Variants in PLRG1 observed in about 807,000 individuals in gnomAD.
PLRG1 encodes pleiotropic regulator 1 (PRL1 homolog, Arabidopsis).
A neutral mutation model predicts 74.9 loss-of-function variants in PLRG1; 28 were observed. That is an observed-to-expected ratio of 0.37 (90% CI 0.28 to 0.51). The LOEUF (loss-of-function observed/expected upper bound fraction) is 0.51. Among genes scored for constraint, PLRG1 ranks in the 20% least tolerant of loss-of-function variants. The pLI is 0.91. For missense variants in PLRG1, 445 were observed against 631.9 expected, an observed-to-expected ratio of 0.70 and a Z score of 3.17; for synonymous variants, 197 against 212.4, an observed-to-expected ratio of 0.93 and a Z score of 0.63.
At chr4:154,550,270 C>A in intron 1 of PLRG1, 30 bp downstream of exon 1, 1 of 1,603,360 alleles carries the variant, frequency 6.2e-7, no homozygotes, top group Non-Finnish European at 8.5e-7. Flanking sequence ...CAGAGACAAA[C>A]GACTCTTGAG....
intron 12 of PLRG1, among the ~76,000 whole-genome samples, chr4:154,538,783 T>C (rs1430419782): frequency 3.3e-5 from 5 of 152,172 alleles, no homozygotes; most frequent in Non-Finnish European, 7.4e-5. Flanking sequence ...AATGTCTCAG[T>C]GTCCAAAATC....
chr4:154,540,931 A>G lies in PLRG1; in HGVS notation c.691T>C (p.Trp231Arg). The G allele has an allele frequency of 6.3e-7, 1 of 1,586,514 alleles. No homozygotes were observed. Among genetic ancestry groups the G allele is most frequent in the South Asian group, 1.2e-5 (1 of 83,666 alleles). The change falls in exon 9 of 15, where the codon TGG (tryptophan) becomes CGG (arginine). Residue 231 changes from tryptophan (W) to arginine (R), a missense_variant. By Grantham distance (101) the Trp-to-Arg change is moderately radical. Coordinates refer to ENST00000499023, the MANE Select transcript of PLRG1 (RefSeq NM_002669.4). ...TTTAATTTGCCACTAGCCAAGTCCC[A>G]GATCTGCAATCAAAGAATATTTATT... ...TGSADRTIKI[W>R]DLASGKLKLS...
chr4:154,540,843 T>C lies in PLRG1; in HGVS notation c.779A>G (p.Tyr260Cys). 1 of 1,613,450 alleles carries C rather than the reference T, an allele frequency of 6.2e-7. No individual in the cohort carries two copies. The highest frequency in any genetic ancestry group is 8.5e-7 in the Non-Finnish European group (1 of 1,179,422). Residue 260 changes from tyrosine to cysteine, a missense_variant, in exon 9 of 15, where the codon TAT becomes TGT. This residue lies in a region of PLRG1 where 221 missense variants were observed against 377.7 expected (regional missense o/e 0.59). Coordinates refer to ENST00000499023, the MANE Select transcript of PLRG1 (RefSeq NM_002669.4). Reference protein sequence around the residue: ...RGVIVSTRSPYLFSCGEDKQV... With the variant: ...RGVIVSTRSPCLFSCGEDKQV... ...TTTGTCTTCTCCACAAGAGAACAGA[T>C]ATGGGCTCCTTGTGCTTACTATCAC...
chr4:154,543,497 C>A (rs544733793), intron 7 of PLRG1, among the ~76,000 whole-genome samples: 1 of 151,864 alleles, frequency 6.6e-6, no homozygotes, highest in African/African-American at 2.4e-5. Flanking sequence ...CATAAATATG[C>A]ACATCTATTA....
intron 1 of PLRG1, 105 bp downstream of exon 1, chr4:154,550,195 G>T: frequency 1.9e-6 from 2 of 1,060,634 alleles, no homozygotes; most frequent in Non-Finnish European, 3.0e-6. Flanking sequence ...TCCCCTCGTA[G>T]CCTCTTTTCT....
rs750250125 is a variant in PLRG1 at position 154,535,735 on chromosome 4, A to C, written c.*950T>G. On this transcript the variant is annotated 3_prime_UTR_variant, in exon 15 of 15. Transcript: ENST00000499023. ...TAGAAACTTTAAAACTTCTCTTTAA[A>C]ATCTCCGCAAGATTGCAGCCCTTGC... is the stretch of plus-strand genomic sequence containing the variant. 1.3e-5 allele frequency: 2 copies of C among 152,064 alleles called. No homozygotes were observed. The highest frequency in any genetic ancestry group is 2.9e-5 in the Non-Finnish European group (2 of 67,998). The allele number at this position is 152,064 out of a possible 1,614,324, so 9.4% of individuals were successfully genotyped here. A position where few individuals can be genotyped will look rare whatever the true frequency, so the allele number is the denominator to read the frequency against.
chr4:154,548,885 C>A lies in PLRG1; in HGVS notation c.60G>T (p.Arg20Ser). 2 of 1,611,818 alleles carry A rather than the reference C, an allele frequency of 1.2e-6. No homozygotes were observed. The highest frequency in any genetic ancestry group is 1.7e-6 in the Non-Finnish European group (2 of 1,178,244). ...TATCAGCTACAAACATGTCATGGGT[C>A]CTCTTCAACGACCTGAACACAAGGG... ...VHTLVFRSLK[R>S]THDMFVADNG... The change falls in exon 2 of 15, where the codon AGG (arginine) becomes AGT (serine). Residue 20 changes from arginine to serine, a missense_variant. By Grantham distance (110) the Arg-to-Ser change is moderately radical. This residue lies in a region of PLRG1 where 18 missense variants were observed against 43.4 expected (regional missense o/e 0.41). Coordinates refer to ENST00000499023, the MANE Select transcript of PLRG1 (RefSeq NM_002669.4).
chr4:154,547,245 C>T (rs7442268), intron 3 of PLRG1, among the ~76,000 whole-genome samples, 181 bp from the exon 4 acceptor site: 1 of 152,134 alleles, frequency 6.6e-6, no homozygotes, highest in Non-Finnish European at 1.5e-5. Context: ...TAAACCATGT[C>T]CTTGACCATT....
Position 154,540,036 on chromosome 4 carries a change from A to C in PLRG1, c.957T>G (p.Thr319=), listed in dbSNP as rs766676551. Reference sequence around the variant, plus strand: ...CAGATAATGTGTGTACACTGGCTTTAGTTCTCACATCCCAAATCTATAAAA... The same window carrying C: ...CAGATAATGTGTGTACACTGGCTTTCGTTCTCACATCCCAAATCTATAAAA... ...DSTARIWDVR[T]KASVHTLSGH... Residue 319 remains threonine (T), a synonymous_variant, in exon 11 of 15, where the codon ACT becomes ACG. Transcript: ENST00000499023. The C allele has an allele frequency of 6.4e-7, 1 of 1,573,050 alleles. No individual in the cohort carries two copies.
intron 7 of PLRG1, 33 bp from the exon 8 acceptor site, chr4:154,542,312 C>A: frequency 7.4e-7 from 1 of 1,342,558 alleles, no homozygotes; most frequent in African/African-American, 1.4e-5. Flanking sequence ...GGCAGGCCAA[C>A]GTAGAAGTTA....
At chr4:154,541,081 C>T in intron 8 of PLRG1, 147 bp from the exon 9 acceptor site, 1 of 512,264 alleles carries the variant, frequency 2.0e-6, no homozygotes, top group Non-Finnish European at 3.3e-6. Context: ...AAATGACTCC[C>T]CTCCAAATAA....
chr4:154,547,678 TAA>T lies in PLRG1; in HGVS notation c.259+31_259+32del. ...TTTTTCTGTTTTTAAAATTCACATATAAGTCTGACATTTCTGATAATACCATA... is the reference window on the plus strand; with the variant it reads ...TTTTTCTGTTTTTAAAATTCACATATGTCTGACATTTCTGATAATACCATA... On this transcript the variant is annotated intron_variant, in intron 3 of 14. Coordinates refer to ENST00000499023, the MANE Select transcript of PLRG1 (RefSeq NM_002669.4). The T allele has an allele frequency of 1.9e-6, 3 of 1,589,128 alleles. No homozygotes were observed. The East Asian group carries it at 6.7e-5, about 36-fold the overall frequency.
chr4:154,549,204 T>C, intron 1 of PLRG1: 1 of 430,020 alleles, frequency 2.3e-6, no homozygotes, highest in Non-Finnish European at 4.4e-6. Flanking sequence ...GTCTGGCAGG[T>C]ATTGTGCTAG....
chr4:154,540,474 T>C, intron 10 of PLRG1, 120 bp downstream of exon 10: 3 of 702,176 alleles, frequency 4.3e-6, no homozygotes, highest in Non-Finnish European at 7.5e-6. Flanking sequence ...ACTAGGATAT[T>C]GATGACTCAA....
At chr4:154,548,055 G>A (rs556183066) in intron 2 of PLRG1, among the ~76,000 whole-genome samples, 1 of 152,138 alleles carries the variant, frequency 6.6e-6, no homozygotes, top group Admixed American at 6.5e-5. Flanking sequence ...TTAAACCTAC[G>A]TAATATTTTA....
At position 154,544,442 on chromosome 4, in the gene PLRG1, C is replaced by T. The variant is rs759322754; in HGVS notation, c.594+3G>A. ...ATAATAAAATAAATGCAGAGTCACT[C>T]ACCCTGTAGAGTTTCCACGGTGGGT... is the stretch of plus-strand genomic sequence containing the variant. On this transcript the variant is annotated splice_donor_region_variant and intron_variant, in intron 7 of 14. Transcript: ENST00000499023. 6.6e-7 allele frequency: 1 copy of T among 1,522,148 alleles called. No homozygotes were observed. The highest frequency in any genetic ancestry group is 2.2e-5 in the East Asian group (1 of 44,448). 94.3% of individuals were successfully genotyped at this position (1,522,148 alleles called of 1,614,324 possible). A position where few individuals can be genotyped will look rare whatever the true frequency, so the allele number is the denominator to read the frequency against.
intron 13 of PLRG1, 97 bp from the exon 14 acceptor site, chr4:154,537,576 C>G: frequency 1.3e-6 from 1 of 781,118 alleles, no homozygotes. Flanking sequence ...GGGAATACTA[C>G]GGTTATAAAA....
rs1243675978 is a variant in PLRG1, at chr4:154,536,571, T to G, written c.*114A>C. On this transcript the variant is annotated 3_prime_UTR_variant, in exon 15 of 15. Coordinates refer to ENST00000499023, the MANE Select transcript of PLRG1 (RefSeq NM_002669.4). Reference sequence around the variant, plus strand: ...CAGCAATGATTGAAGCAAGTGAATTTCTCCTTTATATTCCCAGCCAGAGCA... The same window carrying G: ...CAGCAATGATTGAAGCAAGTGAATTGCTCCTTTATATTCCCAGCCAGAGCA... 1 of 658,830 alleles carries G rather than the reference T, an allele frequency of 1.5e-6. No individual in the cohort carries two copies. The highest frequency in any genetic ancestry group is 1.9e-5 in the African/African-American group (1 of 53,568). 40.8% of individuals were successfully genotyped at this position (658,830 alleles called of 1,614,324 possible).
intron 6 of PLRG1, among the ~76,000 whole-genome samples, chr4:154,544,811 A>G (rs1729619514): frequency 6.6e-6 from 1 of 152,230 alleles, no homozygotes; most frequent in Non-Finnish European, 1.5e-5. Flanking sequence ...GGTAACAATC[A>G]TGTAACCTCT....
Sources: allele counts gnomAD v4.1 joint callset (sites outside exome capture counted in the v4.1 genomes callset), GRCh38; gene constraint gnomAD v4.1.1; regional missense constraint gnomAD v4.1.1; transcripts MANE v1.5; gene names NCBI Gene and HGNC (gene_info 2026-07-23, HGNC 2026-07-21).